TAGLN2: variants seen among roughly 807,000 people sequenced by gnomAD.
The protein encoded by TAGLN2 is transgelin 2, also known as transgelin-2.
A neutral mutation model predicts 24.9 loss-of-function variants in TAGLN2; 14 were observed. That is an observed-to-expected ratio of 0.56 (90% CI 0.37 to 0.88). The LOEUF is 0.88. Ranked by LOEUF, TAGLN2 falls within the 40% of genes least tolerant of loss-of-function variation. TAGLN2 has a pLI of 0.00. For synonymous variants in TAGLN2, 77 were observed against 98.2 expected, an observed-to-expected ratio of 0.78 and a Z score of 1.28; for missense variants, 208 against 258.9, an observed-to-expected ratio of 0.80 and a Z score of 1.35.
intron 1 of TAGLN2, chr1:159,923,433 T>C: frequency 6.5e-7 from 1 of 1,549,822 alleles, no homozygotes; most frequent in South Asian, 1.2e-5. Context: ...GCTGGAAGCT[T>C]ACCTCACCAA....
rs751643569 is a variant in TAGLN2, at chr1:159,918,878, G to A, written c.522C>T (p.Ile174=). The A allele has an allele frequency of 1.2e-5, 20 of 1,614,254 alleles. No individual in the cohort carries two copies. The highest frequency in any genetic ancestry group is 6.7e-5 in the East Asian group (3 of 44,888). ...DNQLQEGKNV[I]GLQMGTNRGA... is the part of the protein sequence containing the mutation. ...CGCGGTTGGTGCCCATCTGTAACCC[G>A]ATCACGTTCTTGCCCTCTTGCAGCT... The change falls in exon 5 of 5, where the codon ATC becomes ATT. Residue 174 remains isoleucine (I), a synonymous_variant. Transcript: ENST00000368097.
chr1:159,922,048 C>A (rs1409116921), intron 1 of TAGLN2, among the ~76,000 whole-genome samples: 1 of 152,270 alleles, frequency 6.6e-6, no homozygotes, highest in Non-Finnish European at 1.5e-5. Context: ...CTAACCACAT[C>A]TGGCTCCAGG....
chr1:159,919,517 T>A, intron 3 of TAGLN2, 141 bp from the exon 4 acceptor site: 2 of 1,314,840 alleles, frequency 1.5e-6, no homozygotes, highest in Non-Finnish European at 2.2e-6. Context: ...CAGCCTCCAA[T>A]ATGACCAAGT....
intron 1 of TAGLN2, chr1:159,923,623 G>A: frequency 2.8e-6 from 2 of 712,550 alleles, no homozygotes; most frequent in Non-Finnish European, 4.3e-6. Context: ...CACAGTGAGG[G>A]CACCAGCCCA....
rs1650606772 is a variant in TAGLN2, at chr1:159,923,657, A to C, written c.-29+1793T>G. 1.5e-5 allele frequency: 8 copies of C among 517,724 alleles called. No homozygotes were observed. In the Middle Eastern group the frequency reaches 9.5e-4, roughly 61 times the overall value. 32.1% of individuals were successfully genotyped at this position (517,724 alleles called of 1,614,324 possible). ...CACAGAGCGAGGTGCCACAGCCAGCAGCAAGGATGGGGGGCGGCCCACAAT... is the reference window on the plus strand; with the variant it reads ...CACAGAGCGAGGTGCCACAGCCAGCCGCAAGGATGGGGGGCGGCCCACAAT... On this transcript the variant is annotated intron_variant, in intron 1 of 4. Transcript: ENST00000368097.
rs572647363 is a variant in TAGLN2 at position 159,919,914 on chromosome 1, G to A, written c.181-79C>T. The A allele has an allele frequency of 4.7e-5, 70 of 1,502,498 alleles. No individual in the cohort carries two copies. The African/African-American group carries it at 7.3e-4, about 16-fold the overall frequency. 93.1% of individuals were successfully genotyped at this position (1,502,498 alleles called of 1,614,324 possible). On this transcript the variant is annotated intron_variant, in intron 2 of 4. Transcript: ENST00000368097. ...TCAGCGTGCACCACCCTCAGAACCA[G>A]AGACAATGAACCAGAGAGGCTCCTG...
intron 1 of TAGLN2, chr1:159,923,825 A>C (rs1650615135): frequency 3.8e-6 from 1 of 261,360 alleles, no homozygotes; most frequent in South Asian, 8.6e-5. Flanking sequence ...TCTGTGTACC[A>C]AACAGTGTTG....
chr1:159,924,749 G>A (rs1650648271), intron 1 of TAGLN2, among the ~76,000 whole-genome samples: 1 of 152,200 alleles, frequency 6.6e-6, no homozygotes, highest in Non-Finnish European at 1.5e-5. Context: ...CCCGGTGGGG[G>A]CAGCGGCGCT....
chr1:159,925,266 C>A (rs1437836857), intron 1 of TAGLN2, 184 bp downstream of exon 1: 1 of 152,316 alleles, frequency 6.6e-6, no homozygotes, highest in African/African-American at 2.4e-5. Flanking sequence ...CATCGTCCAA[C>A]AATGTCGGGT....
chr1:159,918,864 C>G lies in TAGLN2; in HGVS notation c.536G>C (p.Gly179Ala). The G allele has an allele frequency of 6.2e-7, 1 of 1,614,254 alleles. No homozygotes were observed. Reference sequence around the variant, plus strand: ...TGCCTGAGACGCCCCGCGGTTGGTGCCCATCTGTAACCCGATCACGTTCTT... The same window carrying G: ...TGCCTGAGACGCCCCGCGGTTGGTGGCCATCTGTAACCCGATCACGTTCTT... ...EGKNVIGLQM[G>A]TNRGASQAGM... The change falls in exon 5 of 5, where the codon GGC becomes GCC. Residue 179 changes from glycine to alanine, a missense_variant. Coordinates refer to ENST00000368097, the MANE Select transcript of TAGLN2 (RefSeq NM_003564.3).
rs537534774 is a variant in TAGLN2 at position 159,924,432 on chromosome 1, TCCCACACTCCATC to T, written c.-29+1005_-29+1017del. On this transcript the variant is annotated intron_variant, in intron 1 of 4. Transcript: ENST00000368097. ...CCAGCCGCAGGTCTTCTACATCGAATCCCACACTCCATCCCCACTCTCACCCCGTTTCTCTCTG... is the reference window on the plus strand; with the variant it reads ...CCAGCCGCAGGTCTTCTACATCGAATCCCACTCTCACCCCGTTTCTCTCTG... 3.3e-5 allele frequency: 5 copies of T among 152,442 alleles called. No individual in the cohort carries two copies. In the East Asian group the frequency reaches 7.7e-4, roughly 24 times the overall value. The allele number at this position is 152,442 out of a possible 1,614,324, so 9.4% of individuals were successfully genotyped here.
intron 4 of TAGLN2, 48 bp from the exon 5 acceptor site, chr1:159,918,989 G>C (rs756351748): frequency 1.2e-6 from 2 of 1,609,776 alleles, no homozygotes; most frequent in Non-Finnish European, 1.7e-6. Flanking sequence ...GGCTGCCCTA[G>C]TAAATCCCTT....
intron 1 of TAGLN2, among the ~76,000 whole-genome samples, chr1:159,923,910 A>G (rs1650617971): frequency 6.6e-6 from 1 of 152,122 alleles, no homozygotes; most frequent in South Asian, 2.1e-4. Context: ...TGAGCACGGG[A>G]GCAGAAGTGG....
In TAGLN2 at chr1:159,919,704, G is replaced by A. The variant is rs1650463476; in HGVS notation, c.312C>T (p.Gly104=). 6.2e-7 allele frequency: 1 copy of A among 1,613,410 alleles called. No individual in the cohort carries two copies. The highest frequency in any genetic ancestry group is 8.5e-7 in the Non-Finnish European group (1 of 1,179,900). The change falls in exon 3 of 5, where the codon GGC becomes GGT. Residue 104 remains glycine, a synonymous_variant. Coordinates refer to ENST00000368097, the MANE Select transcript of TAGLN2 (RefSeq NM_003564.3). ...SQFLQAAERY[G]INTTDIFQTV... Reference sequence around the variant, plus strand: ...TTTGGAAGATGTCAGTGGTGTTAATGCCATAGCGCTCAGCTGCTTGCAGGA... The same window carrying A: ...TTTGGAAGATGTCAGTGGTGTTAATACCATAGCGCTCAGCTGCTTGCAGGA...
chr1:159,922,627 C>A (rs1160293237), intron 1 of TAGLN2, among the ~76,000 whole-genome samples: 1 of 152,218 alleles, frequency 6.6e-6, no homozygotes, highest in African/African-American at 2.4e-5. Context: ...CTTTCCGCAG[C>A]CCAGTTCCAG....
At chr1:159,919,588 T>G (rs1238124207) in intron 3 of TAGLN2, 73 bp downstream of exon 3, 27 of 1,566,974 alleles carry the variant, frequency 1.7e-5, no homozygotes, top group Non-Finnish European at 2.2e-5. Context: ...CAGCCCCTTC[T>G]GCCTGGTCAA....
chr1:159,923,995 A>G (rs1375834598), intron 1 of TAGLN2, among the ~76,000 whole-genome samples: 1 of 152,160 alleles, frequency 6.6e-6, no homozygotes, highest in Non-Finnish European at 1.5e-5. Flanking sequence ...GGGGATGGAC[A>G]GCGTGTGGGG....
At chr1:159,923,427 G>A (rs766471249) in intron 1 of TAGLN2, 1 of 1,549,706 alleles carries the variant, frequency 6.5e-7, no homozygotes, top group South Asian at 1.2e-5. Flanking sequence ...CCCTGGGCTG[G>A]AAGCTTACCT....
intron 1 of TAGLN2, 181 bp from the exon 2 acceptor site, chr1:159,920,718 G>A (rs1015991821): frequency 9.8e-6 from 8 of 816,788 alleles, no homozygotes; most frequent in Non-Finnish European, 1.2e-5. Flanking sequence ...AGAATGATTT[G>A]GGGAGAGGAG....
Sources: gnomAD v4.1 joint callset for allele counts (sites outside exome capture counted in the v4.1 genomes callset) on GRCh38, gnomAD v4.1.1 for gene constraint, MANE v1.5 for transcripts, NCBI Gene and HGNC (gene_info 2026-07-23, HGNC 2026-07-21) for gene names.